The following RSU1 variants were observed in gnomAD, a reference collection of about 807,000 sequenced individuals.
RSU1 encodes rsu-1.
RSU1 carries 26 observed loss-of-function variants against 31.1 expected under a neutral mutation model. That is an observed-to-expected ratio of 0.84 (90% confidence interval 0.61 to 1.16). The LOEUF is 1.16. Among genes scored for constraint, RSU1 ranks in the 50% most tolerant of loss-of-function variants. The pLI, the probability that RSU1 is intolerant of heterozygous loss-of-function variation, is 0.00. For missense variants in RSU1, 320 were observed against 339.1 expected (o/e 0.94, Z 0.44); for synonymous variants, 164 against 136.3 (o/e 1.20, Z -1.41).
chr10:16,795,952 C>T (rs79719247), intron 2 of RSU1, among the ~76,000 whole-genome samples: 1,986 of 152,242 alleles, frequency 0.013, 35 homozygotes, highest in Non-Finnish European at 0.017. Flanking sequence ...TCCGCCTCAA[C>T]CTTCCCCCAT....
chr10:16,804,934 T>C (rs1438210537), intron 2 of RSU1, among the ~76,000 whole-genome samples: 1 of 152,158 alleles, frequency 6.6e-6, no homozygotes, highest in Non-Finnish European at 1.5e-5. Flanking sequence ...CCAAAACCCA[T>C]AAAACTATAC....
intron 7 of RSU1, among the ~76,000 whole-genome samples, chr10:16,744,332 C>A (rs954754241): frequency 6.6e-6 from 1 of 152,000 alleles, no homozygotes; most frequent in African/African-American, 2.4e-5. Flanking sequence ...TGTAGGCACA[C>A]AACTGATATA....
At chr10:16,793,376 T>C (rs188783717) in intron 2 of RSU1, among the ~76,000 whole-genome samples, 80 of 151,972 alleles carry the variant, frequency 5.3e-4, no homozygotes, top group Middle Eastern at 3.4e-3. Context: ...AAAAAAAAGA[T>C]GGCCCCTGTT....
intron 8 of RSU1, among the ~76,000 whole-genome samples, chr10:16,647,208 G>A (rs191588989): frequency 3.9e-5 from 6 of 152,220 alleles, no homozygotes; most frequent in Non-Finnish European, 5.9e-5. Context: ...TCCTGACCTC[G>A]TGATCTACAC....
At chr10:16,686,698 G>T (rs749462006) in intron 8 of RSU1, among the ~76,000 whole-genome samples, 6 of 152,172 alleles carry the variant, frequency 3.9e-5, no homozygotes, top group Non-Finnish European at 7.3e-5. Context: ...GAGGGGGATG[G>T]AGAAGGGAAC....
intron 8 of RSU1, among the ~76,000 whole-genome samples, chr10:16,604,319 A>G (rs1436673360): frequency 2.0e-5 from 3 of 152,186 alleles, no homozygotes; most frequent in Non-Finnish European, 4.4e-5. Context: ...CAGACCAGGG[A>G]TATCAGCAAA....
chr10:16,673,610 C>A (rs1296518276), intron 8 of RSU1, among the ~76,000 whole-genome samples: 1 of 152,188 alleles, frequency 6.6e-6, no homozygotes, highest in Non-Finnish European at 1.5e-5. Context: ...CGTGATCATG[C>A]CTGACTGGCG....
intron 8 of RSU1, among the ~76,000 whole-genome samples, chr10:16,643,882 C>A (rs970242375): frequency 7.4e-6 from 1 of 135,012 alleles, no homozygotes; most frequent in African/African-American, 3.3e-5. Flanking sequence ...CTGTACTGAA[C>A]AAGTGAAGAT....
Position 16,632,719 on chromosome 10 carries a change from A to C in RSU1, c.732-39223T>G, listed in dbSNP as rs570890085. Among the ~76,000 whole-genome samples, 4 of 152,274 alleles carry C rather than the reference A, an allele frequency of 2.6e-5. No homozygotes were observed. In the South Asian group the frequency reaches 8.3e-4, roughly 32 times the overall value. On this transcript the variant is annotated intron_variant, in intron 8 of 8. Transcript: ENST00000345264. ...TTTGAGAGGCCGAGATGGGCATATC[A>C]CTTGAGCTCAGGGGTTTGAGACCAG...
chr10:16,596,946 C>T (rs1439440352), intron 8 of RSU1, among the ~76,000 whole-genome samples: 1 of 152,210 alleles, frequency 6.6e-6, no homozygotes, highest in Non-Finnish European at 1.5e-5. Flanking sequence ...TGGTCTCAAA[C>T]TCCTGACCTC....
At chr10:16,675,186 GCGAGACT>G (rs1835204193) in intron 8 of RSU1, among the ~76,000 whole-genome samples, 1 of 142,346 alleles carries the variant, frequency 7.0e-6, no homozygotes, top group South Asian at 2.3e-4. Context: ...GGGTAACAGA[GCGAGACT>G]CTGTCTCAAA....
chr10:16,795,846 C>A (rs1382465043), intron 2 of RSU1, among the ~76,000 whole-genome samples: 1 of 152,160 alleles, frequency 6.6e-6, no homozygotes, highest in African/African-American at 2.4e-5. Flanking sequence ...CCTAAACAAG[C>A]CGCCCAGGTG....
intron 7 of RSU1, chr10:16,723,011 AACAT>A (rs972123398): frequency 2.0e-5 from 3 of 148,386 alleles, no homozygotes; most frequent in East Asian, 4.0e-4. Flanking sequence ...TATAGACACA[AACAT>A]ACACACATAT....
chr10:16,648,543 G>A (rs969982416), intron 8 of RSU1, among the ~76,000 whole-genome samples: 2 of 152,164 alleles, frequency 1.3e-5, no homozygotes, highest in Non-Finnish European at 2.9e-5. Flanking sequence ...CAAGTCTATG[G>A]CTTGTTTGAA....
chr10:16,652,149 C>T (rs1403581537), intron 8 of RSU1, among the ~76,000 whole-genome samples: 3 of 151,976 alleles, frequency 2.0e-5, no homozygotes, highest in African/African-American at 7.3e-5. Flanking sequence ...TCTTTAGAGT[C>T]TAAAGGTTGT....
chr10:16,668,559 T>G (rs1835043138), intron 8 of RSU1, among the ~76,000 whole-genome samples: 1 of 152,230 alleles, frequency 6.6e-6, no homozygotes, highest in Non-Finnish European at 1.5e-5. Context: ...CTATAAAATT[T>G]GAACATCATA....
At chr10:16,809,789 C>G (rs1035006364) in intron 2 of RSU1, among the ~76,000 whole-genome samples, 61 of 151,940 alleles carry the variant, frequency 4.0e-4, no homozygotes, top group Admixed American at 4.0e-3. Context: ...TTATCCATAC[C>G]AATTGTAGCA....
chr10:16,723,155 T>C (rs947567383), intron 7 of RSU1: 3 of 152,122 alleles, frequency 2.0e-5, no homozygotes, highest in Middle Eastern at 3.4e-3. Flanking sequence ...TCCATCGCAA[T>C]GTGACTTCAT....
In RSU1 at chr10:16,797,856, CTTTTTTTTTTTTT is replaced by C. The variant is rs766748303; in HGVS notation, c.110-15785_110-15773del. On this transcript the variant is annotated intron_variant, in intron 2 of 8. Coordinates refer to ENST00000345264, the MANE Select transcript of RSU1 (RefSeq NM_012425.4). ...ACAGAAGTTAAAGTGGGGATTTCTT[CTTTTTTTTTTTTT>C]TTTTTTTTTTGAGATGGAATCTCTC... Among the ~76,000 whole-genome samples, 7 of 103,514 alleles carry C rather than the reference CTTTTTTTTTTTTT, an allele frequency of 6.8e-5. No homozygotes were observed. In the East Asian group the frequency reaches 1.8e-3, roughly 26 times the overall value. 67.9% of individuals were successfully genotyped at this position (103,514 alleles called of 152,430 possible).
Sources: gnomAD v4.1 joint callset for allele counts (sites outside exome capture counted in the v4.1 genomes callset) on GRCh38, gnomAD v4.1.1 for gene constraint, MANE v1.5 for transcripts, NCBI Gene and HGNC (gene_info 2026-07-23, HGNC 2026-07-21) for gene names.